SCN8A: variants seen among roughly 807,000 people sequenced by gnomAD.
SCN8A encodes sodium voltage-gated channel alpha subunit 8, also known as sodium channel protein type 8 subunit alpha.
A neutral mutation model predicts 184.1 loss-of-function variants in SCN8A; 30 were observed. The ratio of observed to expected loss-of-function variants is 0.16; its 90% confidence interval spans 0.12 to 0.22. The LOEUF (loss-of-function observed/expected upper bound fraction) is 0.22, where lower values mean the gene tolerates loss of function less well. Ranked by LOEUF, SCN8A falls within the 10% of genes least tolerant of loss-of-function variation. The pLI is 1.00. For synonymous variants in SCN8A, 852 were observed against 907.0 expected (o/e 0.94, Z 1.09); for missense variants, 1,057 against 2,498.9 (o/e 0.42, Z 12.30).
At chr12:51,687,289 G>A in intron 5 of SCN8A, 70 bp downstream of exon 5, 1 of 1,557,702 alleles carries the variant, frequency 6.4e-7, no homozygotes, top group South Asian at 1.1e-5. Context: ...TCCTGGGTCT[G>A]TTTGTAGGTG....
chr12:51,755,472 G>C (rs1408592323), intron 14 of SCN8A, among the ~76,000 whole-genome samples: 1 of 152,162 alleles, frequency 6.6e-6, no homozygotes, highest in African/African-American at 2.4e-5. Flanking sequence ...GCTGGAATCA[G>C]CCATTTCTCA....
intron 14 of SCN8A, among the ~76,000 whole-genome samples, chr12:51,760,516 C>T (rs1942746856): frequency 6.6e-6 from 1 of 152,204 alleles, no homozygotes; most frequent in Non-Finnish European, 1.5e-5. Flanking sequence ...AGTGCTTCTT[C>T]ATGAGCACTT....
intron 1 of SCN8A, among the ~76,000 whole-genome samples, chr12:51,661,960 T>C (rs1940933393): frequency 6.6e-6 from 1 of 152,254 alleles, no homozygotes. Flanking sequence ...TGTTCTCACG[T>C]CTCCGTCCTT....
Position 51,679,095 on chromosome 12 carries a change from A to AAAT in SCN8A, c.277-5077_277-5076insTAA, listed in dbSNP as rs1358130354. Among the ~76,000 whole-genome samples, 3 of 150,652 alleles carry AAAT rather than the reference A, an allele frequency of 2.0e-5. No individual in the cohort carries two copies. The East Asian group carries it at 5.9e-4, about 30-fold the overall frequency. ...CGTCTCCAAAAAAAATAAAAAAATA[A>AAAT]AAAAAAATAAAGCTACTCACCCCAG... On this transcript the variant is annotated intron_variant, in intron 2 of 26. Transcript: ENST00000627620.
intron 25 of SCN8A, among the ~76,000 whole-genome samples, chr12:51,793,464 A>C (rs1287480197): frequency 1.3e-5 from 2 of 152,174 alleles, no homozygotes. Flanking sequence ...CAAGAAAGCA[A>C]CTCAGGATCA....
At chr12:51,644,764 G>C (rs529980289) in intron 1 of SCN8A, among the ~76,000 whole-genome samples, 1 of 151,802 alleles carries the variant, frequency 6.6e-6, no homozygotes, top group African/African-American at 2.4e-5. Context: ...GTCTCTGCCC[G>C]GCCGCCATCC....
At chr12:51,769,582 C>T (rs1344558149) in intron 17 of SCN8A, among the ~76,000 whole-genome samples, 3 of 152,126 alleles carry the variant, frequency 2.0e-5, no homozygotes, top group African/African-American at 4.8e-5. Flanking sequence ...GATAAGCCCT[C>T]GAGTACTTCC....
chr12:51,731,819 C>T (rs991535210), intron 12 of SCN8A, among the ~76,000 whole-genome samples: 9 of 152,146 alleles, frequency 5.9e-5, no homozygotes, highest in East Asian at 1.9e-4. Flanking sequence ...CTCTGATGAT[C>T]GTAATGTTAG....
chr12:51,648,141 T>C (rs926847463), intron 1 of SCN8A, among the ~76,000 whole-genome samples: 1 of 152,190 alleles, frequency 6.6e-6, no homozygotes, highest in Admixed American at 6.5e-5. Context: ...AGGAAGAATT[T>C]TTTTCATAAC....
chr12:51,805,833 A>AC, intron 26 of SCN8A, among the ~76,000 whole-genome samples: 1 of 56,998 alleles, frequency 1.8e-5, no homozygotes, highest in Middle Eastern at 7.1e-3. Flanking sequence ...TTAAAATGTT[A>AC]CTTTTTTTTT....
intron 2 of SCN8A, among the ~76,000 whole-genome samples, chr12:51,679,149 T>A (rs1941281194): frequency 6.6e-6 from 1 of 151,884 alleles, no homozygotes; most frequent in Non-Finnish European, 1.5e-5. Context: ...ATAATCATAA[T>A]CCCAGCACTT....
chr12:51,726,536 C>T (rs1362415888), intron 12 of SCN8A, among the ~76,000 whole-genome samples: 1 of 152,178 alleles, frequency 6.6e-6, no homozygotes, highest in Non-Finnish European at 1.5e-5. Flanking sequence ...AATATACTAA[C>T]TCTGAAGCCC....
At chr12:51,804,910 G>T (rs1938657367) in intron 26 of SCN8A, among the ~76,000 whole-genome samples, 1 of 152,000 alleles carries the variant, frequency 6.6e-6, no homozygotes, top group Non-Finnish European at 1.5e-5. Flanking sequence ...AACCAAAGAT[G>T]TTTTTTCAGA....
chr12:51,664,857 A>G (rs1941000602), intron 2 of SCN8A, among the ~76,000 whole-genome samples: 1 of 152,022 alleles, frequency 6.6e-6, no homozygotes, highest in South Asian at 2.1e-4. Flanking sequence ...TCTATTAACT[A>G]TTCTTCCTGA....
chr12:51,793,898 A>T (rs1461388220), intron 25 of SCN8A, among the ~76,000 whole-genome samples: 1 of 151,604 alleles, frequency 6.6e-6, no homozygotes, highest in Non-Finnish European at 1.5e-5. Flanking sequence ...TAATCCTAGC[A>T]TTTTGGGAGG....
intron 3 of SCN8A, among the ~76,000 whole-genome samples, chr12:51,685,403 A>G (rs1345817253): frequency 6.6e-6 from 1 of 152,188 alleles, no homozygotes; most frequent in Non-Finnish European, 1.5e-5. Flanking sequence ...TATGGCTCCC[A>G]GGCTCTAATT....
chr12:51,809,928 T>A lies in SCN8A; in HGVS notation c.*2499T>A, dbSNP rs1938836960. The A allele has an allele frequency of 2.0e-5, 3 of 152,294 alleles. 1 individual carries two copies. In the Middle Eastern group the frequency reaches 0.01, roughly 518 times the overall value. The allele number at this position is 152,294 out of a possible 1,614,324, so 9.4% of individuals were successfully genotyped here. A position where few individuals can be genotyped will look rare whatever the true frequency, so the allele number is the denominator to read the frequency against. On this transcript the variant is annotated 3_prime_UTR_variant, in exon 27 of 27. Transcript: ENST00000627620. ...TGGTCTTTTCCAAAACAACAAAAAA[T>A]ATATATTTTTGTTCCAATGTGCAAT...
At chr12:51,631,109 C>G (rs1940187622) in intron 1 of SCN8A, among the ~76,000 whole-genome samples, 1 of 152,192 alleles carries the variant, frequency 6.6e-6, no homozygotes, top group African/African-American at 2.4e-5. Flanking sequence ...TTTAGATACA[C>G]TTGGTGAATT....
chr12:51,719,993 G>A (rs1592403798), intron 11 of SCN8A, among the ~76,000 whole-genome samples: 3 of 148,766 alleles, frequency 2.0e-5, no homozygotes, highest in South Asian at 4.3e-4. Context: ...GGAGAATGGC[G>A]TGAACCTGGC....
Sources: gnomAD v4.1 joint callset for allele counts (sites outside exome capture counted in the v4.1 genomes callset) on GRCh38, gnomAD v4.1.1 for gene constraint, MANE v1.5 for transcripts, NCBI Gene and HGNC (gene_info 2026-07-23, HGNC 2026-07-21) for gene names.